EYS: variants seen among roughly 807,000 people sequenced by gnomAD.
EYS encodes protein eyes shut homolog.
Under a neutral mutation model 282.1 loss-of-function variants are expected in EYS, and 250 were observed. The ratio of observed to expected loss-of-function variants is 0.89; its 90% CI spans 0.80 to 0.98. The LOEUF (loss-of-function observed/expected upper bound fraction) is 0.98. Ranked by LOEUF, EYS falls within the 50% of genes least tolerant of loss-of-function variation. EYS has a pLI of 0.00. For missense variants in EYS, 4,016 were observed against 3,709.0 expected (o/e 1.08, Z -2.15); for synonymous variants, 1,355 against 1,282.9 (o/e 1.06, Z -1.20).
intron 22 of EYS, among the ~76,000 whole-genome samples, chr6:64,776,816 A>G (rs1045924160): frequency 3.3e-5 from 5 of 152,136 alleles, no homozygotes; most frequent in Non-Finnish European, 7.4e-5. Flanking sequence ...ATGCTTCATT[A>G]GCTTACTAAG....
At chr6:63,846,403 G>C (rs948833346) in intron 36 of EYS, among the ~76,000 whole-genome samples, 3 of 152,244 alleles carry the variant, frequency 2.0e-5, no homozygotes, top group African/African-American at 4.8e-5. Flanking sequence ...TCTTTCTCCA[G>C]AGCTTAAAGA....
chr6:64,905,300 G>A (rs112472091), intron 16 of EYS, among the ~76,000 whole-genome samples: 3,066 of 152,238 alleles, frequency 0.02, 44 homozygotes, highest in Middle Eastern at 0.065. Context: ...TCTGTGAAAG[G>A]TACTTGTTTT....
chr6:64,767,098 A>G (rs1398086670), intron 22 of EYS, among the ~76,000 whole-genome samples: 1 of 147,626 alleles, frequency 6.8e-6, no homozygotes, highest in Non-Finnish European at 1.5e-5. Context: ...TAAAGGTAAA[A>G]TTGTATTTTT....
At chr6:65,457,709 T>C (rs1455616453) in intron 5 of EYS, among the ~76,000 whole-genome samples, 1 of 152,166 alleles carries the variant, frequency 6.6e-6, no homozygotes, top group South Asian at 2.1e-4. Context: ...TGCTACATTG[T>C]CACGGAATCA....
chr6:64,995,890 C>T (rs113045892), intron 14 of EYS, among the ~76,000 whole-genome samples: 4,298 of 152,220 alleles, frequency 0.028, 203 homozygotes, highest in African/African-American at 0.097. Context: ...TAAAGTTGTA[C>T]TCCTTGACTT....
At chr6:65,301,255 G>C (rs1460119429) in intron 11 of EYS, among the ~76,000 whole-genome samples, 2 of 151,946 alleles carry the variant, frequency 1.3e-5, no homozygotes, top group Non-Finnish European at 2.9e-5. Context: ...CAGCACTTTG[G>C]GAGGCCGAGG....
chr6:64,632,089 C>T (rs1169063469), intron 22 of EYS, among the ~76,000 whole-genome samples: 1 of 151,946 alleles, frequency 6.6e-6, no homozygotes, highest in African/African-American at 2.4e-5. Flanking sequence ...ATCTGCAAAG[C>T]ATCAACTTTA....
intron 5 of EYS, among the ~76,000 whole-genome samples, chr6:65,443,135 A>T (rs1295355487): frequency 2.0e-5 from 2 of 102,034 alleles, no homozygotes; most frequent in African/African-American, 5.3e-5. Context: ...TACACATCAT[A>T]CATATATGTA....
intron 30 of EYS, among the ~76,000 whole-genome samples, chr6:64,257,766 G>GGATGATGATGATGAT: frequency 6.7e-6 from 1 of 149,328 alleles, no homozygotes; most frequent in African/African-American, 2.5e-5. Context: ...TGAATGGTGT[G>GGATGATGATGATGAT]GATGATGATG....
At chr6:65,001,222 G>T (rs1170438033) in intron 13 of EYS, among the ~76,000 whole-genome samples, 2 of 130,390 alleles carry the variant, frequency 1.5e-5, no homozygotes, top group Non-Finnish European at 3.6e-5. Context: ...CTGAGCTCTT[G>T]CCTAGCGTCC....
At chr6:64,713,894 G>A (rs1323988167) in intron 22 of EYS, among the ~76,000 whole-genome samples, 1 of 152,088 alleles carries the variant, frequency 6.6e-6, no homozygotes, top group African/African-American at 2.4e-5. Context: ...GAATAACCTT[G>A]GGAAAATGTG....
At chr6:64,181,612 T>G (rs9362532) in intron 31 of EYS, among the ~76,000 whole-genome samples, 51,705 of 151,828 alleles carry the variant, frequency 0.34, 8,843 homozygotes, top group East Asian at 0.53. Context: ...CACAGGGCCT[T>G]AGGAGACACA....
At chr6:63,990,811 G>A (rs1452919136) in intron 34 of EYS, among the ~76,000 whole-genome samples, 6 of 151,476 alleles carry the variant, frequency 4.0e-5, no homozygotes, top group Non-Finnish European at 8.9e-5. Flanking sequence ...GGACTGCTGA[G>A]AAAAAAAGAG....
intron 12 of EYS, among the ~76,000 whole-genome samples, chr6:65,087,871 A>G (rs1022970574): frequency 5.3e-5 from 8 of 152,172 alleles, no homozygotes; most frequent in Non-Finnish European, 1.2e-4. Flanking sequence ...TGTCATCCCC[A>G]TAATCCACAT....
At chr6:64,658,120 G>C (rs1008766506) in intron 22 of EYS, among the ~76,000 whole-genome samples, 1 of 152,068 alleles carries the variant, frequency 6.6e-6, no homozygotes, top group African/African-American at 2.4e-5. Context: ...TTCCATCACT[G>C]ATACCCTTTC....
chr6:65,685,847 T>G (rs1768995720), intron 1 of EYS, among the ~76,000 whole-genome samples: 1 of 152,058 alleles, frequency 6.6e-6, no homozygotes, highest in Non-Finnish European at 1.5e-5. Flanking sequence ...ATTAAAATTC[T>G]AATGCCTTCA....
chr6:64,334,437 T>C (rs1216925571), intron 29 of EYS, among the ~76,000 whole-genome samples: 5 of 151,990 alleles, frequency 3.3e-5, no homozygotes, highest in Non-Finnish European at 7.4e-5. Context: ...AAAAAATAAA[T>C]ACTAACATTA....
intron 13 of EYS, among the ~76,000 whole-genome samples, chr6:65,004,469 T>A (rs988773076): frequency 2.7e-5 from 4 of 147,650 alleles, no homozygotes; most frequent in African/African-American, 9.7e-5. Flanking sequence ...GTCATAGCAA[T>A]ATCCATGCAG....
intron 2 of EYS, among the ~76,000 whole-genome samples, chr6:65,638,413 G>A (rs924304976): frequency 5.3e-5 from 8 of 152,202 alleles, no homozygotes; most frequent in Non-Finnish European, 8.8e-5. Flanking sequence ...CCCCCCGATC[G>A]CCATGCTGTG....
Sources: allele counts gnomAD v4.1 joint callset (sites outside exome capture counted in the v4.1 genomes callset), GRCh38; gene constraint gnomAD v4.1.1; transcripts MANE v1.5; gene names NCBI Gene and HGNC (gene_info 2026-07-23, HGNC 2026-07-21).